The following NBAS variants were observed in gnomAD, a reference collection of about 807,000 sequenced individuals.
NBAS encodes NBAS subunit of NRZ tethering complex.
In NBAS, 219 loss-of-function variants were observed where a neutral mutation model predicts 302.5. The ratio of observed to expected loss-of-function variants is 0.72; its 90% CI spans 0.65 to 0.81. NBAS has a LOEUF of 0.81. Among genes scored for constraint, NBAS ranks in the 30% least tolerant of loss-of-function variants. NBAS has a pLI of 0.00. For missense variants in NBAS, 2,932 were observed against 2,841.6 expected, an observed-to-expected ratio of 1.03 and a Z score of -0.72; for synonymous variants, 1,118 against 1,021.6, an observed-to-expected ratio of 1.09 and a Z score of -1.80.
At chr2:15,508,868 TG>T (rs986170729) in intron 10 of NBAS, among the ~76,000 whole-genome samples, 1 of 151,952 alleles carries the variant, frequency 6.6e-6, no homozygotes, top group African/African-American at 2.4e-5. Flanking sequence ...CCGGGCATGA[TG>T]GGGGGTGCCT....
At chr2:15,243,535 A>G (rs1337114903) in intron 44 of NBAS, among the ~76,000 whole-genome samples, 1 of 151,906 alleles carries the variant, frequency 6.6e-6, no homozygotes, top group East Asian at 1.9e-4. Flanking sequence ...AGGTACCAAG[A>G]GGGAGGCAAT....
rs541095413 is a variant in NBAS at position 15,265,934 on chromosome 2, A to G, written c.5724+9550T>C. 3.9e-5 allele frequency among the ~76,000 whole-genome samples: 6 copies of G among 152,358 alleles called. No homozygotes were observed. In the South Asian group the frequency reaches 1.0e-3, roughly 26 times the overall value. ...TCCAAACCATGCAAATTCTAAGGACAGCCGATAATACGGTTTGGTTCTGTG... is the reference window on the plus strand; with the variant it reads ...TCCAAACCATGCAAATTCTAAGGACGGCCGATAATACGGTTTGGTTCTGTG... On this transcript the variant is annotated intron_variant, in intron 44 of 51. Coordinates refer to ENST00000281513, the MANE Select transcript of NBAS (RefSeq NM_015909.4).
chr2:15,439,114 T>C (rs1350346177), intron 21 of NBAS, among the ~76,000 whole-genome samples: 4 of 151,690 alleles, frequency 2.6e-5, no homozygotes, highest in Non-Finnish European at 5.9e-5. Flanking sequence ...GCTAACACGG[T>C]GAAACCCCGT....
the NBAS span, among the ~76,000 whole-genome samples, chr2:15,034,294 A>AAGAAAGAAAG: frequency 3.5e-5 from 4 of 112,942 alleles, no homozygotes; most frequent in African/African-American, 1.5e-4. Context: ...GAAAGAAAGA[A>AAGAAAGAAAG]AGAAAGAAAG....
the NBAS span, among the ~76,000 whole-genome samples, chr2:15,002,086 C>T: frequency 4.6e-5 from 7 of 152,166 alleles, no homozygotes; most frequent in African/African-American, 1.7e-4. Context: ...TCCACGTCCC[C>T]ACTAGATTAG....
chr2:15,272,318 T>A (rs533208689), intron 44 of NBAS, among the ~76,000 whole-genome samples: 8 of 152,342 alleles, frequency 5.3e-5, no homozygotes, highest in Non-Finnish European at 1.0e-4. Context: ...ACACTGTGTA[T>A]GAATAGTACA....
intron 21 of NBAS, among the ~76,000 whole-genome samples, chr2:15,428,551 G>A (rs1022584934): frequency 2.0e-5 from 3 of 152,084 alleles, no homozygotes; most frequent in African/African-American, 7.2e-5. Context: ...GCAACATAGT[G>A]GGACCTCATT....
the NBAS span, among the ~76,000 whole-genome samples, chr2:14,844,984 C>T: frequency 6.6e-6 from 1 of 152,222 alleles, no homozygotes; most frequent in African/African-American, 2.4e-5. Flanking sequence ...AACATGCCAC[C>T]CTCAAGATGA....
intron 32 of NBAS, among the ~76,000 whole-genome samples, chr2:15,366,192 G>T (rs576010648): frequency 6.6e-6 from 1 of 152,174 alleles, no homozygotes; most frequent in East Asian, 1.9e-4. Flanking sequence ...AACTGGTAAG[G>T]TTGGTTTGTT....
At position 15,504,199 on chromosome 2, in the gene NBAS, C is replaced by T. The variant is rs775052161; in HGVS notation, c.900G>A (p.Leu300=). 23 of 1,612,614 alleles carry T rather than the reference C, an allele frequency of 1.4e-5. No homozygotes were observed. The African/African-American group carries it at 2.9e-4, about 21-fold the overall frequency. The change falls in exon 11 of 52, where the codon CTG becomes CTA. Residue 300 remains leucine (L), a synonymous_variant. Coordinates refer to ENST00000281513, the MANE Select transcript of NBAS (RefSeq NM_015909.4). The part of the protein sequence containing the change: ...GDGVTAVPKT[L]GLLRMLSVKF... ...TGACACTTAACATCCTTAATAATCC[C>T]AGTGTCTTCGGTACCTGCAAAATAA...
intron 38 of NBAS, among the ~76,000 whole-genome samples, chr2:15,314,747 AAAC>A (rs1671430689): frequency 6.6e-6 from 1 of 152,216 alleles, no homozygotes; most frequent in Non-Finnish European, 1.5e-5. Context: ...CAGCTTTTTA[AAAC>A]AATAACAACC....
At chr2:15,380,633 A>T (rs911293890) in intron 29 of NBAS, among the ~76,000 whole-genome samples, 35 of 151,870 alleles carry the variant, frequency 2.3e-4, no homozygotes, top group Non-Finnish European at 4.7e-4. Flanking sequence ...ACAACTAACA[A>T]CATCAATTAA....
chr2:15,152,071 A>G, the NBAS span, among the ~76,000 whole-genome samples: 4 of 152,072 alleles, frequency 2.6e-5, no homozygotes, highest in African/African-American at 9.7e-5. Flanking sequence ...GCTGGTTTTG[A>G]ACTCCTGACC....
At chr2:15,471,820 A>G (rs1455506945) in intron 16 of NBAS, among the ~76,000 whole-genome samples, 1 of 152,176 alleles carries the variant, frequency 6.6e-6, no homozygotes, top group South Asian at 2.1e-4. Flanking sequence ...ACACAGCAAG[A>G]AAGAAATCCA....
At chr2:15,038,492 T>A in the NBAS span, among the ~76,000 whole-genome samples, 1 of 152,202 alleles carries the variant, frequency 6.6e-6, no homozygotes. Context: ...TCTGCACATC[T>A]CATGATTAGA....
intron 21 of NBAS, among the ~76,000 whole-genome samples, chr2:15,438,506 T>C (rs79573061): frequency 0.013 from 1,936 of 152,150 alleles, 32 homozygotes; most frequent in East Asian, 0.06. Context: ...TCTAAAAAAC[T>C]ACCACCACGA....
chr2:15,528,505 CAT>C (rs1663040807), intron 9 of NBAS, among the ~76,000 whole-genome samples: 1 of 88,956 alleles, frequency 1.1e-5, no homozygotes, highest in South Asian at 3.1e-4. Flanking sequence ...TATATATATA[CAT>C]ATATACACAC....
chr2:15,553,875 T>C (rs62120690), intron 4 of NBAS, among the ~76,000 whole-genome samples, 186 bp downstream of exon 4: 30 of 32,124 alleles, frequency 9.3e-4, no homozygotes, highest in Non-Finnish European at 2.9e-3. Flanking sequence ...TCTCTCCCTC[T>C]CTCTCTCCCT....
At chr2:15,395,795 T>C (rs1441984406) in intron 27 of NBAS, among the ~76,000 whole-genome samples, 5 of 152,104 alleles carry the variant, frequency 3.3e-5, no homozygotes, top group African/African-American at 1.2e-4. Context: ...TAAATGTGCA[T>C]ATTTATATAA....
Sources: gnomAD v4.1 joint callset for allele counts (sites outside exome capture counted in the v4.1 genomes callset) on GRCh38, gnomAD v4.1.1 for gene constraint, MANE v1.5 for transcripts, NCBI Gene and HGNC (gene_info 2026-07-23, HGNC 2026-07-21) for gene names.